SLC20A1: variants seen among roughly 807,000 people sequenced by gnomAD.
SLC20A1 encodes solute carrier family 20 member 1.
Under a neutral mutation model 62.7 loss-of-function variants are expected in SLC20A1, and 28 were observed. The ratio of observed to expected loss-of-function variants is 0.45; its 90% CI spans 0.33 to 0.61. The LOEUF (loss-of-function observed/expected upper bound fraction) is 0.61, where lower values mean the gene tolerates loss of function less well. SLC20A1 is among the 20% of genes least tolerant of loss of function. The pLI is 0.02. For synonymous variants in SLC20A1, 305 were observed against 302.9 expected (o/e 1.01, Z -0.07); for missense variants, 673 against 838.6 (o/e 0.80, Z 2.44).
rs1431764688 is a variant in SLC20A1, at chr2:112,657,241, C to T, written c.778C>T (p.Arg260Ter). ...VCPRMKRKIE[R>*]EIKCSPSESP... ...TCCCAGGATGAAGAGAAAAATTGAACGTAAGTAATAACTAAACAGCAGAAA... is the reference window on the plus strand; with the variant it reads ...TCCCAGGATGAAGAGAAAAATTGAATGTAAGTAATAACTAAACAGCAGAAA... Residue 260 changes from arginine (R) to a stop codon, truncating the protein, a stop_gained and splice_region_variant, in exon 6 of 11, where the codon CGA becomes TGA. Transcript: ENST00000272542. LOFTEE classifies it high-confidence loss of function. 7 of 1,611,958 alleles carry T rather than the reference C, an allele frequency of 4.3e-6. No homozygotes were observed. Among genetic ancestry groups the T allele is most frequent in the South Asian group, 1.1e-5 (1 of 90,988 alleles).
At chr2:112,660,330 C>T in intron 8 of SLC20A1, 57 bp from the exon 9 acceptor site, 1 of 1,484,470 alleles carries the variant, frequency 6.7e-7, no homozygotes, top group Admixed American at 1.8e-5. Context: ...CAGATTGGGT[C>T]TTGCCAAGAT....
At position 112,647,165 on chromosome 2, in the gene SLC20A1, A is replaced by G. The variant is rs1686306764; in HGVS notation, c.334+3A>G. 1 of 1,609,376 alleles carries G rather than the reference A, an allele frequency of 6.2e-7. No individual in the cohort carries two copies. Among genetic ancestry groups the G allele is most frequent in the South Asian group, 1.1e-5 (1 of 90,946 alleles). On this transcript the variant is annotated splice_donor_region_variant and intron_variant, in intron 2 of 10. Transcript: ENST00000272542. The stretch of plus-strand genomic sequence containing the variant: ...CGGCTCAGTCAGTGCTATGTTTGGT[A>G]AGTTCTTTTTATGTTTTGTCCTCTT...
chr2:112,660,307 G>A (rs1686712301), intron 8 of SLC20A1, 80 bp from the exon 9 acceptor site: 6 of 1,250,848 alleles, frequency 4.8e-6, no homozygotes, highest in African/African-American at 1.5e-5. Flanking sequence ...AGACAACCTG[G>A]TAGATCATTC....
intron 5 of SLC20A1, chr2:112,653,064 T>G: frequency 7.3e-6 from 5 of 688,602 alleles, no homozygotes; most frequent in Non-Finnish European, 1.2e-5. Context: ...GATCATCTCC[T>G]TCCCTTTCTC....
chr2:112,648,938 A>G (rs1376599954), intron 4 of SLC20A1, among the ~76,000 whole-genome samples: 1 of 152,218 alleles, frequency 6.6e-6, no homozygotes, highest in African/African-American at 2.4e-5. Flanking sequence ...AGTTTTCATT[A>G]GAACTGTATA....
In SLC20A1 at chr2:112,647,077, A is replaced by G. The variant is rs1686303370; in HGVS notation, c.249A>G (p.Glu83=). 6 of 1,614,002 alleles carry G rather than the reference A, an allele frequency of 3.7e-6. No individual in the cohort carries two copies. The African/African-American group carries it at 8.0e-5, about 22-fold the overall frequency. Residue 83 remains glutamate (E), a synonymous_variant, in exon 2 of 11, where the codon GAA becomes GAG. Coordinates refer to ENST00000272542, the MANE Select transcript of SLC20A1 (RefSeq NM_005415.5). ...TCTTACTGGGGGCCAAAGTGAGCGA[A>G]ACCATCCGGAAGGGCTTGATTGACG... The part of the protein sequence containing the change: ...GSVLLGAKVS[E]TIRKGLIDVE...
chr2:112,648,690 C>G (rs1558690146), intron 4 of SLC20A1, among the ~76,000 whole-genome samples: 1 of 152,352 alleles, frequency 6.6e-6, no homozygotes, highest in East Asian at 1.9e-4. Context: ...TAGCCAGAAT[C>G]TGGCAGAATA....
At position 112,659,666 on chromosome 2, in the gene SLC20A1, A is replaced by G. The variant is rs376330319; in HGVS notation, c.1511A>G (p.Tyr504Cys). ...KGSNGSLEEWYDQDKPEVSLL... is the reference protein window; with the variant it reads ...KGSNGSLEEWCDQDKPEVSLL... ...AGTAATGGCTCTCTAGAAGAATGGTATGACCAGGATAAGCCTGAAGTCTCT... is the reference window on the plus strand; with the variant it reads ...AGTAATGGCTCTCTAGAAGAATGGTGTGACCAGGATAAGCCTGAAGTCTCT... The change falls in exon 8 of 11, where the codon TAT becomes TGT. Residue 504 changes from tyrosine (Y) to cysteine (C), a missense_variant. Coordinates refer to ENST00000272542, the MANE Select transcript of SLC20A1 (RefSeq NM_005415.5). 5.9e-5 allele frequency: 95 copies of G among 1,614,244 alleles called. No individual in the cohort carries two copies. The highest frequency in any genetic ancestry group is 7.6e-5 in the Non-Finnish European group (90 of 1,180,028).
chr2:112,647,513 T>TA, intron 3 of SLC20A1, 49 bp downstream of exon 3: 1 of 1,600,568 alleles, frequency 6.2e-7, no homozygotes, highest in Non-Finnish European at 8.5e-7. Context: ...CGTCATATGT[T>TA]ACCATGGCAT....
rs755572927 is a variant in SLC20A1, at chr2:112,647,325, T to G, written c.336T>G (p.Gly112=). Residue 112 remains glycine (G), a splice_region_variant and synonymous_variant, in exon 3 of 11, where the codon GGT becomes GGG. Coordinates refer to ENST00000272542, the MANE Select transcript of SLC20A1 (RefSeq NM_005415.5). Reference sequence around the variant, plus strand: ...TAATAAAACTTTACTATGTTTCAGGTTCTGCTGTGTGGCAACTCGTGGCTT... The same window carrying G: ...TAATAAAACTTTACTATGTTTCAGGGTCTGCTGTGTGGCAACTCGTGGCTT... The part of the protein sequence containing the change: ...LMAGSVSAMF[G]SAVWQLVASF... The G allele has an allele frequency of 6.2e-7, 1 of 1,613,196 alleles. No individual in the cohort carries two copies. The highest frequency in any genetic ancestry group is 8.5e-7 in the Non-Finnish European group (1 of 1,179,684).
intron 8 of SLC20A1, 90 bp downstream of exon 8, chr2:112,659,852 A>G: frequency 9.1e-7 from 1 of 1,100,468 alleles, no homozygotes; most frequent in Non-Finnish European, 1.3e-6. Flanking sequence ...TGGTACTCCT[A>G]GCATTTACAG....
In SLC20A1 at chr2:112,659,670, C is replaced by T. The variant is rs1028852012; in HGVS notation, c.1515C>T (p.Asp505=). ...GSNGSLEEWY[D]QDKPEVSLLF... ...ATGGCTCTCTAGAAGAATGGTATGA[C>T]CAGGATAAGCCTGAAGTCTCTCTCC... is the stretch of plus-strand genomic sequence containing the variant. Residue 505 remains aspartate (D), a synonymous_variant, in exon 8 of 11, where the codon GAC becomes GAT. Transcript: ENST00000272542. The T allele has an allele frequency of 6.2e-7, 1 of 1,614,204 alleles. No individual in the cohort carries two copies. Among genetic ancestry groups the T allele is most frequent in the Middle Eastern group, 1.7e-4 (1 of 6,060 alleles).
At chr2:112,653,577 G>A (rs1231133305) in intron 5 of SLC20A1, among the ~76,000 whole-genome samples, 5 of 152,084 alleles carry the variant, frequency 3.3e-5, no homozygotes, top group Non-Finnish European at 7.3e-5. Context: ...ATGTATGTAT[G>A]TAGAGAGAAA....
rs764884137 is a variant in SLC20A1 at position 112,647,300 on chromosome 2, TAATAAA to T, written c.335-22_335-17del. The T allele has an allele frequency of 5.0e-6, 8 of 1,608,404 alleles. No homozygotes were observed. Among genetic ancestry groups the T allele is most frequent in the Non-Finnish European group, 6.8e-6 (8 of 1,177,030 alleles). On this transcript the variant is annotated intron_variant, in intron 2 of 10. Transcript: ENST00000272542. ...ACATAATGGAATTTTGATATTTACT[TAATAAA>T]ACTTTACTATGTTTCAGGTTCTGCT...
At position 112,652,685 on chromosome 2, in the gene SLC20A1, TTAA is replaced by T; in HGVS notation, c.562-15_562-13del. 1 of 1,600,934 alleles carries T rather than the reference TTAA, an allele frequency of 6.2e-7. No homozygotes were observed. The highest frequency in any genetic ancestry group is 8.6e-7 in the Non-Finnish European group (1 of 1,168,032). On this transcript the variant is annotated splice_polypyrimidine_tract_variant and intron_variant, in intron 4 of 10. Coordinates refer to ENST00000272542, the MANE Select transcript of SLC20A1 (RefSeq NM_005415.5). The stretch of plus-strand genomic sequence containing the variant: ...CTTTATACCTTTTAAGATATTGATC[TTAA>T]TGATGTTTTACAGGCAGATCCAGTT...
At chr2:112,657,048 C>A in intron 5 of SLC20A1, 74 bp from the exon 6 acceptor site, 1 of 1,586,404 alleles carries the variant, frequency 6.3e-7, no homozygotes, top group Non-Finnish European at 8.6e-7. Context: ...CCTCAGTCCC[C>A]AGAGGAGGGT....
rs375354033 is a variant in SLC20A1 at position 112,646,792 on chromosome 2, C to G, written c.-37C>G. 2 of 1,454,574 alleles carry G rather than the reference C, an allele frequency of 1.4e-6. No homozygotes were observed. Among genetic ancestry groups the G allele is most frequent in the Admixed American group, 1.9e-5 (1 of 53,522 alleles). 90.1% of individuals were successfully genotyped at this position (1,454,574 alleles called of 1,614,324 possible). A position where few individuals can be genotyped will look rare whatever the true frequency, so the allele number is the denominator to read the frequency against. ...CTGTTTACACATCTTGAAAGGCGCT[C>G]AGTAGTTCTCTTACTAAACAACCAC... On this transcript the variant is annotated 5_prime_UTR_variant, in exon 2 of 11. Transcript: ENST00000272542.
intron 6 of SLC20A1, 36 bp downstream of exon 6, chr2:112,657,277 C>T: frequency 6.3e-7 from 1 of 1,582,304 alleles, no homozygotes; most frequent in South Asian, 1.1e-5. Flanking sequence ...AGTTTAACTA[C>T]TAATGTTGTG....
intron 5 of SLC20A1, among the ~76,000 whole-genome samples, chr2:112,654,964 A>ATT (rs371613434): frequency 1.7e-4 from 15 of 89,362 alleles, no homozygotes; most frequent in South Asian, 4.3e-4. Flanking sequence ...TTTGTTTCTA[A>ATT]TTTTTTTTTT....
Sources: gnomAD v4.1 joint callset for allele counts (sites outside exome capture counted in the v4.1 genomes callset) on GRCh38, gnomAD v4.1.1 for gene constraint, MANE v1.5 for transcripts, NCBI Gene and HGNC (gene_info 2026-07-23, HGNC 2026-07-21) for gene names.